ZFHX3: variants seen among roughly 807,000 people sequenced by gnomAD.
The protein encoded by ZFHX3 is zinc finger homeobox 3.
In ZFHX3, 42 loss-of-function variants were observed where a neutral mutation model predicts 279.1. The ratio of observed to expected loss-of-function variants is 0.15; its 90% CI spans 0.12 to 0.19. The LOEUF is 0.19. Among genes scored for constraint, ZFHX3 ranks in the 10% least tolerant of loss-of-function variants. The pLI is 1.00. For synonymous variants in ZFHX3, 2,293 were observed against 1,957.8 expected (o/e 1.17, Z -4.52); for missense variants, 4,981 against 4,754.0 (o/e 1.05, Z -1.40).
At chr16:73,857,433 C>T (rs774856618) in intron 1 of ZFHX3, among the ~76,000 whole-genome samples, 8 of 152,218 alleles carry the variant, frequency 5.3e-5, no homozygotes, top group Non-Finnish European at 8.8e-5. Context: ...CACATCCCCT[C>T]TCTTTAGCAT....
intron 3 of ZFHX3, among the ~76,000 whole-genome samples, chr16:73,395,687 G>T (rs1020121255): frequency 6.6e-6 from 1 of 151,938 alleles, no homozygotes; most frequent in African/African-American, 2.4e-5. Flanking sequence ...TACATAAAAA[G>T]ACACCAATTG....
intron 1 of ZFHX3, among the ~76,000 whole-genome samples, chr16:73,779,614 C>G (rs979946997): frequency 1.3e-5 from 2 of 152,196 alleles, no homozygotes; most frequent in Admixed American, 6.5e-5. Context: ...AATCATTCCA[C>G]AAATGAAACT....
intron 2 of ZFHX3, among the ~76,000 whole-genome samples, chr16:73,655,544 G>A (rs1269840612): frequency 3.3e-5 from 5 of 152,040 alleles, no homozygotes; most frequent in Admixed American, 1.3e-4. Context: ...AAAGGGTTGA[G>A]TAAAAATAAA....
At chr16:73,290,828 G>A (rs1597265677) in intron 4 of ZFHX3, among the ~76,000 whole-genome samples, 1 of 152,308 alleles carries the variant, frequency 6.6e-6, no homozygotes, top group African/African-American at 2.4e-5. Flanking sequence ...GCTGTGTTGG[G>A]AGTAGAATTA....
intron 3 of ZFHX3, among the ~76,000 whole-genome samples, chr16:73,358,092 ACT>A (rs1327958008): frequency 1.3e-5 from 2 of 151,976 alleles, no homozygotes; most frequent in African/African-American, 4.8e-5. Context: ...AGCTGGGCTA[ACT>A]CTTCTGTATC....
chr16:73,070,457 G>A (rs1965808262), intron 8 of ZFHX3, among the ~76,000 whole-genome samples: 1 of 151,988 alleles, frequency 6.6e-6, no homozygotes, highest in Non-Finnish European at 1.5e-5. Context: ...AACCCCTTGA[G>A]CTAATTATAA....
At chr16:72,944,141 T>C (rs1156726852) in intron 3 of ZFHX3, among the ~76,000 whole-genome samples, 6 of 152,000 alleles carry the variant, frequency 3.9e-5, no homozygotes, top group Non-Finnish European at 7.4e-5. Flanking sequence ...AAAAATTAGC[T>C]GGGTGTGGTG....
Position 72,797,116 on chromosome 16 carries a change from TCTG to T in ZFHX3, c.5563_5565del (p.Gln1855del), listed in dbSNP as rs766017146. On this transcript the variant is annotated inframe_deletion, in exon 9 of 10. Coordinates refer to ENST00000268489, the MANE Select transcript of ZFHX3 (RefSeq NM_006885.4). ...TGACTCTGGGCTATAGAGAGTTGGT[TCTG>T]CTGCTGCTGCGGCAAGATCTGCTGA... 6.2e-7 allele frequency: 1 copy of T among 1,613,902 alleles called. No individual in the cohort carries two copies.
At chr16:73,416,745 G>A (rs934783153) in intron 3 of ZFHX3, among the ~76,000 whole-genome samples, 6 of 147,974 alleles carry the variant, frequency 4.1e-5, no homozygotes, top group Non-Finnish European at 7.6e-5. Context: ...GCGGTGGCGG[G>A]CGCCTGTAGT....
intron 3 of ZFHX3, among the ~76,000 whole-genome samples, chr16:73,376,118 A>G (rs2016718682): frequency 2.0e-5 from 3 of 152,166 alleles, no homozygotes; most frequent in African/African-American, 7.2e-5. Flanking sequence ...TAACTTTAAG[A>G]TAAGTTATAG....
At chr16:73,349,265 G>A (rs2016179469) in intron 3 of ZFHX3, among the ~76,000 whole-genome samples, 2 of 152,136 alleles carry the variant, frequency 1.3e-5, no homozygotes, top group Non-Finnish European at 2.9e-5. Context: ...CCAGCTGCTT[G>A]TCACACACCA....
intron 3 of ZFHX3, among the ~76,000 whole-genome samples, chr16:73,334,756 G>A (rs1030001521): frequency 1.4e-5 from 2 of 138,898 alleles, no homozygotes; most frequent in African/African-American, 2.7e-5. Flanking sequence ...TCAGTCCTGT[G>A]ATCTTCCATT....
chr16:73,663,062 AAAAAT>A (rs2052801798), intron 2 of ZFHX3, among the ~76,000 whole-genome samples: 1 of 152,206 alleles, frequency 6.6e-6, no homozygotes, highest in Non-Finnish European at 1.5e-5. Flanking sequence ...TCCCTTCCAA[AAAAAT>A]AAAATAAAAT....
At chr16:72,974,318 G>A (rs1035935813) in intron 1 of ZFHX3, among the ~76,000 whole-genome samples, 7 of 152,170 alleles carry the variant, frequency 4.6e-5, no homozygotes, top group Non-Finnish European at 7.3e-5. Context: ...CAATGATTCC[G>A]CCAAATGGCA....
At chr16:72,907,829 C>T (rs1371874945) in intron 3 of ZFHX3, among the ~76,000 whole-genome samples, 1 of 151,732 alleles carries the variant, frequency 6.6e-6, no homozygotes, top group Non-Finnish European at 1.5e-5. Flanking sequence ...GACCACAGGC[C>T]CGTGCTACCA....
At chr16:73,037,794 C>G (rs1222158136) in intron 1 of ZFHX3, among the ~76,000 whole-genome samples, 1 of 152,106 alleles carries the variant, frequency 6.6e-6, no homozygotes, top group South Asian at 2.1e-4. Flanking sequence ...CTGGCTGACC[C>G]CCATGTCCCC....
At chr16:73,537,048 C>A (rs1387164188) in intron 2 of ZFHX3, among the ~76,000 whole-genome samples, 1 of 152,114 alleles carries the variant, frequency 6.6e-6, no homozygotes, top group Non-Finnish European at 1.5e-5. Context: ...GAGATACCAG[C>A]AATAAGTTAT....
At chr16:73,455,321 T>C (rs571837093) in intron 3 of ZFHX3, among the ~76,000 whole-genome samples, 6 of 152,198 alleles carry the variant, frequency 3.9e-5, no homozygotes, top group African/African-American at 7.2e-5. Flanking sequence ...ATTGCGAGAA[T>C]AGAGATCATT....
chr16:73,081,636 C>CT (rs1451154860), intron 8 of ZFHX3: 2 of 152,164 alleles, frequency 1.3e-5, no homozygotes, highest in Non-Finnish European at 2.9e-5. Flanking sequence ...CCCTGTTCCA[C>CT]TGGTAGATGC....
Sources: allele counts gnomAD v4.1 joint callset (sites outside exome capture counted in the v4.1 genomes callset), GRCh38; gene constraint gnomAD v4.1.1; transcripts MANE v1.5; gene names NCBI Gene and HGNC (gene_info 2026-07-23, HGNC 2026-07-21).